Variants in PCDH15 observed in about 807,000 individuals in gnomAD.
PCDH15 encodes the protein protocadherin-15.
In PCDH15, 129 loss-of-function variants were observed where a neutral mutation model predicts 178.5. The observed-to-expected ratio is 0.72, with a 90% CI of 0.63 to 0.84. PCDH15 has a LOEUF of 0.84. Ranked by LOEUF, PCDH15 falls within the 40% of genes least tolerant of loss-of-function variation. PCDH15 has a pLI of 0.00. For synonymous variants in PCDH15, 800 were observed against 732.0 expected, an observed-to-expected ratio of 1.09 and a Z score of -1.50; for missense variants, 2,230 against 2,099.9, an observed-to-expected ratio of 1.06 and a Z score of -1.21.
At chr10:54,635,215 C>T (rs544141643) in intron 2 of PCDH15, among the ~76,000 whole-genome samples, 1,665 of 134,502 alleles carry the variant, frequency 0.012, 28 homozygotes, top group African/African-American at 0.041. Flanking sequence ...CCTGGACTTG[C>T]TTTCTTGACT....
intron 9 of PCDH15, 22 bp downstream of exon 9, chr10:54,236,801 T>C (rs543335339): frequency 6.4e-7 from 1 of 1,556,912 alleles, no homozygotes; most frequent in South Asian, 1.1e-5. Flanking sequence ...ACTGATAGTG[T>C]AAAATGTTAT....
At chr10:54,779,408 A>ATATATATATATACACACACATATGTG (rs1566220597) in intron 1 of PCDH15, among the ~76,000 whole-genome samples, 1 of 17,982 alleles carries the variant, frequency 5.6e-5, no homozygotes, top group Non-Finnish European at 1.7e-4. Context: ...ATATATATGT[A>ATATATATATATACACACACATATGTG]TATATATATA....
At chr10:54,657,396 G>A (rs1274479996) in intron 2 of PCDH15, among the ~76,000 whole-genome samples, 1 of 152,190 alleles carries the variant, frequency 6.6e-6, no homozygotes, top group Admixed American at 6.5e-5. Context: ...AGCTACCAGA[G>A]AATGAGCAGG....
intron 1 of PCDH15, among the ~76,000 whole-genome samples, chr10:54,768,395 C>T (rs1325219664): frequency 6.6e-6 from 1 of 152,130 alleles, no homozygotes; most frequent in African/African-American, 2.4e-5. Flanking sequence ...AAAATGATGT[C>T]ACCCTCAGAG....
chr10:53,880,250 C>G (rs1259763181), intron 26 of PCDH15, among the ~76,000 whole-genome samples: 2 of 152,106 alleles, frequency 1.3e-5, no homozygotes, highest in Non-Finnish European at 2.9e-5. Context: ...ACAGATTCAA[C>G]CCATGGGCCC....
chr10:53,958,406 A>G (rs771337387), intron 23 of PCDH15, among the ~76,000 whole-genome samples: 1 of 152,158 alleles, frequency 6.6e-6, no homozygotes, highest in Non-Finnish European at 1.5e-5. Context: ...CTACAACTTA[A>G]AACTGTGTTA....
chr10:54,728,518 A>G (rs962711964), intron 1 of PCDH15, among the ~76,000 whole-genome samples: 2 of 151,352 alleles, frequency 1.3e-5, no homozygotes, highest in African/African-American at 4.8e-5. Flanking sequence ...ATTCTTCTTG[A>G]GAACTGGAAC....
chr10:55,037,774 C>G (rs1840774166), intron 2 of PCDH15, among the ~76,000 whole-genome samples: 1 of 152,102 alleles, frequency 6.6e-6, no homozygotes, highest in Non-Finnish European at 1.5e-5. Context: ...TACAGTTACA[C>G]TATTTTCGTT....
intron 2 of PCDH15, among the ~76,000 whole-genome samples, chr10:54,612,203 C>G (rs2092984826): frequency 6.6e-6 from 1 of 151,676 alleles, no homozygotes; most frequent in African/African-American, 2.4e-5. Flanking sequence ...GAAATAAAAT[C>G]AGAAATTCTC....
At chr10:53,909,446 TAAATA>T (rs1486113917) in intron 25 of PCDH15, among the ~76,000 whole-genome samples, 4 of 152,222 alleles carry the variant, frequency 2.6e-5, no homozygotes, top group Non-Finnish European at 4.4e-5. Context: ...AGGGTCCTCT[TAAATA>T]AAATAAATTA....
intron 3 of PCDH15, among the ~76,000 whole-genome samples, chr10:54,857,988 G>A (rs1001848153): frequency 4.2e-5 from 6 of 144,292 alleles, no homozygotes; most frequent in Admixed American, 6.8e-5. Context: ...AATGTACAAC[G>A]CATTATTACT....
intron 22 of PCDH15, 22 bp from the exon 23 acceptor site, chr10:53,959,866 A>G: frequency 3.2e-6 from 5 of 1,570,296 alleles, no homozygotes; most frequent in Non-Finnish European, 4.4e-6. Context: ...ATAAAAATTC[A>G]TGTTAAAGAT....
intron 2 of PCDH15, among the ~76,000 whole-genome samples, chr10:55,003,135 A>T (rs1839832968): frequency 6.6e-6 from 1 of 152,098 alleles, no homozygotes; most frequent in Non-Finnish European, 1.5e-5. Context: ...GAAATAACCA[A>T]ATTTTATTGT....
chr10:55,053,324 C>T (rs1406336641), intron 2 of PCDH15, among the ~76,000 whole-genome samples: 1 of 152,096 alleles, frequency 6.6e-6, no homozygotes, highest in Non-Finnish European at 1.5e-5. Flanking sequence ...ATTTCCAATT[C>T]CACTTGTATA....
intron 2 of PCDH15, among the ~76,000 whole-genome samples, chr10:55,081,381 G>C (rs1185599533): frequency 6.6e-6 from 1 of 152,004 alleles, no homozygotes; most frequent in East Asian, 1.9e-4. Flanking sequence ...ATTTATGAAG[G>C]CTCCACTCTC....
chr10:54,062,699 C>T (rs2094055358), intron 18 of PCDH15, among the ~76,000 whole-genome samples: 1 of 151,240 alleles, frequency 6.6e-6, no homozygotes, highest in Non-Finnish European at 1.5e-5. Flanking sequence ...CATTTCTTAT[C>T]AAATTTAAGA....
intron 1 of PCDH15, among the ~76,000 whole-genome samples, chr10:55,303,134 A>T (rs1564986934): frequency 1.3e-5 from 2 of 152,262 alleles, no homozygotes; most frequent in South Asian, 4.1e-4. Flanking sequence ...TTTTTGTAAC[A>T]AAATAAGAAA....
intron 1 of PCDH15, among the ~76,000 whole-genome samples, chr10:55,316,102 T>C (rs1484566303): frequency 6.6e-6 from 1 of 152,194 alleles, no homozygotes; most frequent in African/African-American, 2.4e-5. Context: ...TGTTTTTTTG[T>C]AAATGAGTAT....
At chr10:54,233,350 TTTTA>T (rs146339705) in intron 9 of PCDH15, among the ~76,000 whole-genome samples, 8,288 of 152,230 alleles carry the variant, frequency 0.054, 553 homozygotes, top group African/African-American at 0.17. Context: ...GTATTGTTAT[TTTTA>T]TTTGTCTCAA....
Sources: allele counts gnomAD v4.1 joint callset (sites outside exome capture counted in the v4.1 genomes callset), GRCh38; gene constraint gnomAD v4.1.1; transcripts MANE v1.5; gene names NCBI Gene and HGNC (gene_info 2026-07-23, HGNC 2026-07-21).